The following PSMD12 variants were observed in gnomAD, a reference collection of about 807,000 sequenced individuals.
PSMD12 encodes proteasome 26S subunit, non-ATPase 12, also known as 26S proteasome non-ATPase regulatory subunit 12.
Under a neutral mutation model 62.9 loss-of-function variants are expected in PSMD12, and 8 were observed. The observed-to-expected ratio is 0.13, with a 90% CI of 0.07 to 0.23. The LOEUF is 0.23. Among genes scored for constraint, PSMD12 ranks in the 10% least tolerant of loss-of-function variants. The pLI is 1.00. For synonymous variants in PSMD12, 173 were observed against 187.4 expected (o/e 0.92, Z 0.63); for missense variants, 424 against 550.2 (o/e 0.77, Z 2.29).
intron 1 of PSMD12, chr17:67,362,704 A>C (rs1250337947): frequency 7.2e-5 from 11 of 152,034 alleles, no homozygotes; most frequent in African/African-American, 2.7e-4. Context: ...AAACAAAAAA[A>C]CAAAAAAAAC....
chr17:67,354,137 C>T (rs1171855771), intron 3 of PSMD12, among the ~76,000 whole-genome samples: 4 of 152,214 alleles, frequency 2.6e-5, no homozygotes, highest in Non-Finnish European at 4.4e-5. Context: ...GGGCCAGGCA[C>T]GGTGGCTCAT....
chr17:67,361,730 T>G (rs953303759), intron 1 of PSMD12, among the ~76,000 whole-genome samples: 4 of 151,934 alleles, frequency 2.6e-5, no homozygotes, highest in Non-Finnish European at 4.4e-5. Context: ...CACTTGCTCT[T>G]TTTGACATTA....
In PSMD12 at chr17:67,357,776, C is replaced by G. The variant is rs112506986; in HGVS notation, c.109-198G>C. 3.3e-5 allele frequency among the ~76,000 whole-genome samples: 5 copies of G among 152,290 alleles called. 1 individual carries two copies. The highest frequency in any genetic ancestry group is 1.2e-4 in the African/African-American group (5 of 41,568). On this transcript the variant is annotated intron_variant, in intron 1 of 10. Coordinates refer to ENST00000356126, the MANE Select transcript of PSMD12 (RefSeq NM_002816.5). ...TAGTGGGTTCCATCAGTCAGTGGTT[C>G]CCTACTTGAAGCCCATAAGCTATTT...
rs1319600380 is a variant in PSMD12, at chr17:67,366,407, C to T, written c.108+5G>A. The T allele has an allele frequency of 1.2e-6, 2 of 1,608,874 alleles. No individual in the cohort carries two copies. The highest frequency in any genetic ancestry group is 1.3e-5 in the African/African-American group (1 of 74,816). On this transcript the variant is annotated splice_donor_5th_base_variant and intron_variant, in intron 1 of 10. Transcript: ENST00000356126. The stretch of plus-strand genomic sequence containing the variant: ...CCCGCCAACAGCCAGCCGGCCTCTC[C>T]TCACCTTGGCTAGCTTCGCACACTC...
intron 7 of PSMD12, among the ~76,000 whole-genome samples, chr17:67,346,775 G>A (rs2041971447): frequency 6.6e-6 from 1 of 152,076 alleles, no homozygotes; most frequent in Non-Finnish European, 1.5e-5. Context: ...CTTATAACAA[G>A]TTAGCAGTAT....
In PSMD12 at chr17:67,339,590, T is replaced by C. The variant is rs532315480; in HGVS notation, c.*1253A>G. ...GTCCTGGGATCATAAAATAGGACAA[T>C]TGATAATCTTCCATTAAGTGGAAAA... On this transcript the variant is annotated 3_prime_UTR_variant, in exon 11 of 11. Transcript: ENST00000356126. 6.6e-5 allele frequency: 10 copies of C among 152,288 alleles called. No homozygotes were observed. The highest frequency in any genetic ancestry group is 1.2e-4 in the Non-Finnish European group (8 of 68,024). 9.4% of individuals were successfully genotyped at this position (152,288 alleles called of 1,614,324 possible).
At chr17:67,363,931 C>A (rs188049391) in intron 1 of PSMD12, among the ~76,000 whole-genome samples, 2 of 152,036 alleles carry the variant, frequency 1.3e-5, no homozygotes, top group Non-Finnish European at 2.9e-5. Context: ...TGCCGGTAAT[C>A]CCAGATACTC....
At chr17:67,351,268 T>C (rs2042014335) in intron 3 of PSMD12, among the ~76,000 whole-genome samples, 1 of 152,038 alleles carries the variant, frequency 6.6e-6, no homozygotes, top group East Asian at 1.9e-4. Context: ...GGCGGATGCC[T>C]GTAGTTCCAG....
chr17:67,358,962 A>T (rs2042104659), intron 1 of PSMD12, among the ~76,000 whole-genome samples: 1 of 152,224 alleles, frequency 6.6e-6, no homozygotes, highest in East Asian at 1.9e-4. Flanking sequence ...TAAAACTCAA[A>T]TAATATAAAC....
intron 3 of PSMD12, among the ~76,000 whole-genome samples, chr17:67,353,130 A>G (rs1298583330): frequency 6.6e-6 from 1 of 152,160 alleles, no homozygotes; most frequent in Admixed American, 6.5e-5. Flanking sequence ...GGAAGCTATT[A>G]AAAAAATTCT....
Position 67,348,442 on chromosome 17 carries a change from AATT to A in PSMD12, c.510+105_510+107del. On this transcript the variant is annotated intron_variant, in intron 5 of 10. Coordinates refer to ENST00000356126, the MANE Select transcript of PSMD12 (RefSeq NM_002816.5). ...CAGGCTTTCAATCAAAATCCAAAAT[AATT>A]ATTGGTCCCAAACATTTTGGATAAG... is the stretch of plus-strand genomic sequence containing the variant. 3 of 881,990 alleles carry A rather than the reference AATT, an allele frequency of 3.4e-6. No individual in the cohort carries two copies. The South Asian group carries it at 4.5e-5, about 13-fold the overall frequency. 54.6% of individuals were successfully genotyped at this position (881,990 alleles called of 1,614,324 possible).
At chr17:67,354,303 C>T (rs1006276635) in intron 3 of PSMD12, among the ~76,000 whole-genome samples, 2 of 151,232 alleles carry the variant, frequency 1.3e-5, no homozygotes, top group African/African-American at 4.9e-5. Context: ...ACCAGCTACT[C>T]GGGAGGCTGA....
At chr17:67,352,434 T>TA (rs1181834671) in intron 3 of PSMD12, among the ~76,000 whole-genome samples, 1 of 152,218 alleles carries the variant, frequency 6.6e-6, no homozygotes, top group African/African-American at 2.4e-5. Context: ...TATTGTAAAC[T>TA]ATAACTCTTT....
At chr17:67,345,066 T>C (rs2041951714) in intron 8 of PSMD12, among the ~76,000 whole-genome samples, 1 of 152,216 alleles carries the variant, frequency 6.6e-6, no homozygotes, top group Non-Finnish European at 1.5e-5. Flanking sequence ...AATAAGAGCC[T>C]GTTGTGTTTA....
intron 1 of PSMD12, 77 bp from the exon 2 acceptor site, chr17:67,357,655 A>C (rs1239490664): frequency 2.2e-5 from 32 of 1,459,080 alleles, no homozygotes; most frequent in Non-Finnish European, 2.7e-5. Flanking sequence ...AATGGTTTTG[A>C]CACAGAAAAG....
Position 67,341,059 on chromosome 17 carries a change from G to A in PSMD12, c.1162-7C>T, listed in dbSNP as rs1382793026. 1.3e-6 allele frequency: 2 copies of A among 1,529,752 alleles called. No individual in the cohort carries two copies. Among genetic ancestry groups the A allele is most frequent in the Admixed American group, 2.3e-5 (1 of 42,662 alleles). 94.8% of individuals were successfully genotyped at this position (1,529,752 alleles called of 1,614,324 possible). On this transcript the variant is annotated splice_region_variant and splice_polypyrimidine_tract_variant and intron_variant, in intron 10 of 10. Coordinates refer to ENST00000356126, the MANE Select transcript of PSMD12 (RefSeq NM_002816.5). The stretch of plus-strand genomic sequence containing the variant: ...AGAGAAAGGCTTCGGACTCCTGCAA[G>A]AGAGAAAGATAAATTGGATTAAGAC...
chr17:67,360,744 G>C (rs1015566216), intron 1 of PSMD12, among the ~76,000 whole-genome samples: 2 of 152,090 alleles, frequency 1.3e-5, no homozygotes, highest in African/African-American at 4.8e-5. Context: ...ACTTCTCTTT[G>C]CACCAACCTC....
At chr17:67,353,666 T>C (rs2042040640) in intron 3 of PSMD12, among the ~76,000 whole-genome samples, 2 of 152,178 alleles carry the variant, frequency 1.3e-5, no homozygotes, top group Admixed American at 1.3e-4. Flanking sequence ...ATAAATTTCG[T>C]AGGTAAAAAA....
chr17:67,346,343 C>T (rs992356560), intron 7 of PSMD12, among the ~76,000 whole-genome samples: 18 of 150,782 alleles, frequency 1.2e-4, no homozygotes, highest in African/African-American at 4.2e-4. Context: ...TGCAGTGAGC[C>T]GAGATTGCGC....
Sources: allele counts gnomAD v4.1 joint callset (sites outside exome capture counted in the v4.1 genomes callset), GRCh38; gene constraint gnomAD v4.1.1; transcripts MANE v1.5; gene names NCBI Gene and HGNC (gene_info 2026-07-23, HGNC 2026-07-21).